Variants in SNTG2 observed in about 807,000 individuals in gnomAD.
SNTG2 encodes gamma-2-syntrophin.
In SNTG2, 74 loss-of-function variants were observed where a neutral mutation model predicts 70.9. The ratio of observed to expected loss-of-function variants is 1.04; its 90% CI spans 0.86 to 1.27. SNTG2 has a LOEUF of 1.27. SNTG2 is among the 50% of genes most tolerant of loss of function. SNTG2 has a pLI of 0.00. For synonymous variants in SNTG2, 278 were observed against 273.8 expected, an observed-to-expected ratio of 1.02 and a Z score of -0.15; for missense variants, 717 against 690.7, an observed-to-expected ratio of 1.04 and a Z score of -0.43.
chr2:1,015,487 A>T (rs538366693), intron 1 of SNTG2, among the ~76,000 whole-genome samples: 83 of 152,322 alleles, frequency 5.4e-4, no homozygotes, highest in African/African-American at 1.9e-3. Context: ...TTAAATGAAG[A>T]TTTTAAAAAC....
At chr2:1,334,269 G>A (rs1388218696) in intron 16 of SNTG2, among the ~76,000 whole-genome samples, 1 of 152,082 alleles carries the variant, frequency 6.6e-6, no homozygotes, top group Non-Finnish European at 1.5e-5. Context: ...TGCAAGAATG[G>A]CCATAATCAA....
Position 1,094,806 on chromosome 2 carries a change from A to G in SNTG2, c.211-3390A>G, listed in dbSNP as rs111811692. ...AGGGCCAGCTTACTGGCCTGCAGGC[A>G]AAGGCCTTATAGGTGTGTCCTCATG... On this transcript the variant is annotated intron_variant, in intron 2 of 16. Coordinates refer to ENST00000308624, the MANE Select transcript of SNTG2 (RefSeq NM_018968.4). Among the ~76,000 whole-genome samples, 11 of 70,888 alleles carry G rather than the reference A, an allele frequency of 1.6e-4. 4 individuals carry two copies. In the East Asian group the frequency reaches 3.0e-3, roughly 20 times the overall value. The allele number at this position is 70,888 out of a possible 152,430, so 46.5% of individuals were successfully genotyped here. A position where few individuals can be genotyped will look rare whatever the true frequency, so the allele number is the denominator to read the frequency against.
At chr2:1,189,398 A>T (rs1672440173) in intron 8 of SNTG2, among the ~76,000 whole-genome samples, 1 of 152,130 alleles carries the variant, frequency 6.6e-6, no homozygotes, top group African/African-American at 2.4e-5. Context: ...TATTTGTAAG[A>T]GCAAAGTCCC....
chr2:1,288,628 C>T (rs1213109693), intron 14 of SNTG2, among the ~76,000 whole-genome samples: 1 of 146,544 alleles, frequency 6.8e-6, no homozygotes, highest in Non-Finnish European at 1.5e-5. Context: ...TACACATGGG[C>T]ACAGCACACA....
chr2:991,202 A>T (rs1386684610), intron 1 of SNTG2, among the ~76,000 whole-genome samples: 2 of 152,174 alleles, frequency 1.3e-5, no homozygotes, highest in Non-Finnish European at 2.9e-5. Flanking sequence ...AACTGCAGGG[A>T]TTATAGCTAG....
At chr2:1,305,748 G>T (rs541653816) in intron 14 of SNTG2, among the ~76,000 whole-genome samples, 20 of 152,304 alleles carry the variant, frequency 1.3e-4, no homozygotes, top group Admixed American at 1.3e-3. Context: ...TGTAGCCAGA[G>T]GTTCCTTAGA....
At chr2:1,178,297 C>T (rs1449210950) in intron 8 of SNTG2, among the ~76,000 whole-genome samples, 2 of 152,074 alleles carry the variant, frequency 1.3e-5, no homozygotes, top group African/African-American at 4.8e-5. Flanking sequence ...CCTTTATTTC[C>T]TTCTCCTGCC....
chr2:975,448 G>A (rs1028293064), intron 1 of SNTG2, among the ~76,000 whole-genome samples: 4 of 152,224 alleles, frequency 2.6e-5, no homozygotes, highest in African/African-American at 9.6e-5. Context: ...TGAGCAAACA[G>A]CAACAGTTCC....
intron 9 of SNTG2, among the ~76,000 whole-genome samples, chr2:1,222,381 T>C (rs183284937): frequency 6.6e-6 from 1 of 152,388 alleles, no homozygotes; most frequent in East Asian, 1.9e-4. Context: ...ATTAATTTGA[T>C]TTTTCTTTCC....
At chr2:1,299,525 A>T (rs996540094) in intron 14 of SNTG2, among the ~76,000 whole-genome samples, 3 of 152,166 alleles carry the variant, frequency 2.0e-5, no homozygotes, top group Admixed American at 2.0e-4. Flanking sequence ...TTTTCTCAGA[A>T]GATCACTGGT....
intron 1 of SNTG2, among the ~76,000 whole-genome samples, chr2:1,040,652 T>C: frequency 6.6e-6 from 1 of 152,256 alleles, no homozygotes; most frequent in East Asian, 1.9e-4. Context: ...ATTTCCCTTT[T>C]TCATGCTTCA....
At chr2:1,137,597 T>G in intron 4 of SNTG2, 25 bp from the exon 5 acceptor site, 1 of 1,609,862 alleles carries the variant, frequency 6.2e-7, no homozygotes, top group Non-Finnish European at 8.5e-7. Context: ...CTCTTAAAAC[T>G]GTTGCCACTT....
At chr2:1,043,528 C>T (rs1217109954) in intron 1 of SNTG2, among the ~76,000 whole-genome samples, 1 of 151,994 alleles carries the variant, frequency 6.6e-6, no homozygotes, top group Non-Finnish European at 1.5e-5. Flanking sequence ...CAAGTTTCTT[C>T]TAGGATTTTT....
chr2:1,026,292 T>C (rs1175250418), intron 1 of SNTG2, among the ~76,000 whole-genome samples: 1 of 152,210 alleles, frequency 6.6e-6, no homozygotes, highest in Non-Finnish European at 1.5e-5. Context: ...TTGGCGTTCC[T>C]CTTCAGCACT....
chr2:958,807 C>T (rs1370363182), intron 1 of SNTG2, among the ~76,000 whole-genome samples: 1 of 151,946 alleles, frequency 6.6e-6, no homozygotes, highest in Non-Finnish European at 1.5e-5. Context: ...TGTACTATTT[C>T]TTACATAGTT....
intron 9 of SNTG2, among the ~76,000 whole-genome samples, chr2:1,218,428 A>T (rs939573992): frequency 2.0e-5 from 3 of 152,196 alleles, no homozygotes; most frequent in African/African-American, 7.2e-5. Context: ...TCCCTCTGGA[A>T]AGCCCATAGC....
In SNTG2 at chr2:1,247,441, C is replaced by T. The variant is rs1558592963; in HGVS notation, c.1003C>T (p.Pro335Ser). The T allele has an allele frequency of 1.9e-6, 3 of 1,608,092 alleles. No individual in the cohort carries two copies. Among genetic ancestry groups the T allele is most frequent in the Non-Finnish European group, 1.7e-6 (2 of 1,174,600 alleles). Residue 335 changes from proline to serine, a missense_variant and splice_region_variant, in exon 12 of 17, where the codon CCG becomes TCG. Pro to Ser is a moderately conservative substitution (Grantham distance 74). Coordinates refer to ENST00000308624, the MANE Select transcript of SNTG2 (RefSeq NM_018968.4). ...GTCCTTCTACGTTTTCAGCACTCCT[C>T]CGGTAAGGATGCTTTTGACACTCCA... ...GPSFYVFSTP[P>S]VSTFDWVRAE...
At chr2:1,031,528 A>ATATATATATATATATATTTTTT in intron 1 of SNTG2, among the ~76,000 whole-genome samples, 5 of 59,134 alleles carry the variant, frequency 8.5e-5, no homozygotes, top group Non-Finnish European at 1.3e-4. Context: ...ATATATATAT[A>ATATATATATATATATATTTTTT]TTTTTTTTTT....
chr2:1,277,224 A>G (rs185637076), intron 14 of SNTG2, among the ~76,000 whole-genome samples: 197 of 152,382 alleles, frequency 1.3e-3, no homozygotes, highest in Admixed American at 2.5e-3. Flanking sequence ...ATAAAATTCT[A>G]TCAAACAGCA....
Sources: gnomAD v4.1 joint callset for allele counts (sites outside exome capture counted in the v4.1 genomes callset) on GRCh38, gnomAD v4.1.1 for gene constraint, MANE v1.5 for transcripts, NCBI Gene and HGNC (gene_info 2026-07-23, HGNC 2026-07-21) for gene names.